TAB1: variants seen among roughly 807,000 people sequenced by gnomAD.
TAB1 encodes TGF-beta-activated kinase 1 and MAP3K7-binding protein 1.
TAB1 carries 30 observed loss-of-function variants against 54.5 expected under a neutral mutation model. The observed-to-expected ratio is 0.55, with a 90% CI of 0.41 to 0.75. The LOEUF (loss-of-function observed/expected upper bound fraction) is 0.75. Ranked by LOEUF, TAB1 falls within the 30% of genes least tolerant of loss-of-function variation. The pLI is 0.00. For missense variants in TAB1, 609 were observed against 683.2 expected (o/e 0.89, Z 1.21); for synonymous variants, 289 against 286.9 (o/e 1.01, Z -0.07).
intron 10 of TAB1, chr22:39,429,224 C>G (rs773908551): frequency 2.0e-6 from 2 of 985,374 alleles, no homozygotes; most frequent in Non-Finnish European, 2.4e-6. Flanking sequence ...GGTGGGTGCC[C>G]GTCCCCACCC....
At chr22:39,401,450 C>T (rs1341192119) in intron 1 of TAB1, among the ~76,000 whole-genome samples, 5 of 152,228 alleles carry the variant, frequency 3.3e-5, no homozygotes. Context: ...GTATAACTGT[C>T]CCCACTCTAG....
At chr22:39,409,528 T>C (rs1926518777) in intron 1 of TAB1, among the ~76,000 whole-genome samples, 1 of 152,244 alleles carries the variant, frequency 6.6e-6, no homozygotes. Context: ...CTGTGCTCAC[T>C]AGAGAGGCCA....
intron 7 of TAB1, among the ~76,000 whole-genome samples, chr22:39,421,115 T>A (rs1379885963): frequency 6.6e-6 from 1 of 152,032 alleles, no homozygotes; most frequent in Non-Finnish European, 1.5e-5. Flanking sequence ...AATTGGCATA[T>A]GCAAAGCTGT....
chr22:39,426,903 G>T lies in TAB1; in HGVS notation c.1122G>T (p.Gln374His), dbSNP rs1226898552. The T allele has an allele frequency of 2.9e-5, 46 of 1,611,972 alleles. No homozygotes were observed. The highest frequency in any genetic ancestry group is 3.8e-5 in the Non-Finnish European group (45 of 1,179,868). The change falls in exon 9 of 11, where the codon CAG becomes CAT. Residue 374 changes from glutamine (Q) to histidine (H), a missense_variant. By Grantham distance (24) the Gln-to-His change is conservative (BLOSUM62 0). Transcript: ENST00000216160. ...NFGYPLGEMS[Q>H]PTPSPAPAAG... ...GCTACCCGCTGGGCGAAATGAGCCA[G>T]CCCACACCGAGCCCAGCCCCAGGTA...
chr22:39,418,329 T>C (rs113196829), intron 5 of TAB1, among the ~76,000 whole-genome samples: 210 of 152,248 alleles, frequency 1.4e-3, no homozygotes, highest in African/African-American at 4.8e-3. Flanking sequence ...TTCCACAATA[T>C]AGAACAATAG....
Position 39,416,791 on chromosome 22 carries a change from G to A in TAB1, c.325G>A (p.Ala109Thr). ...EADVRRVLLQ[A>T]FDVVERSFLE... ...TTTGCCCTGTCCTGTGTCCCCCTAG[G>A]CCTTCGATGTGGTGGAGAGGAGCTT... The change falls in exon 4 of 11, where the codon GCC becomes ACC. Residue 109 changes from alanine (A) to threonine (T), a missense_variant and splice_region_variant. Transcript: ENST00000216160. The A allele has an allele frequency of 1.2e-6, 2 of 1,614,222 alleles. No homozygotes were observed. The highest frequency in any genetic ancestry group is 1.7e-6 in the Non-Finnish European group (2 of 1,180,030).
Position 39,418,856 on chromosome 22 carries a change from A to C in TAB1, c.664+11A>C. The C allele has an allele frequency of 6.2e-7, 1 of 1,606,216 alleles. No homozygotes were observed. The highest frequency in any genetic ancestry group is 8.5e-7 in the Non-Finnish European group (1 of 1,173,168). ...GTCTTTCGCAGCTGGGTGAGTGGGGAGAGTGGGAGCGGAAGCTGATCCCCA... is the reference window on the plus strand; with the variant it reads ...GTCTTTCGCAGCTGGGTGAGTGGGGCGAGTGGGAGCGGAAGCTGATCCCCA... On this transcript the variant is annotated intron_variant, in intron 6 of 10. Coordinates refer to ENST00000216160, the MANE Select transcript of TAB1 (RefSeq NM_006116.3).
At chr22:39,402,151 G>A (rs570435077) in intron 1 of TAB1, among the ~76,000 whole-genome samples, 4 of 152,042 alleles carry the variant, frequency 2.6e-5, no homozygotes, top group Non-Finnish European at 5.9e-5. Context: ...AGGAGGATGT[G>A]TATGTGTGTT....
At chr22:39,420,498 G>A (rs1927021795) in intron 7 of TAB1, among the ~76,000 whole-genome samples, 1 of 152,202 alleles carries the variant, frequency 6.6e-6, no homozygotes, top group Non-Finnish European at 1.5e-5. Flanking sequence ...ATCAACAGAG[G>A]CCTCATGGCC....
rs35879601 is a variant in TAB1, at chr22:39,417,245, G to GAGCT, written c.411+369_411+372dup. On this transcript the variant is annotated intron_variant, in intron 4 of 10. Transcript: ENST00000216160. ...AGCTTTCTGGAAGAACCTTAGCCTG[G>GAGCT]AGCTGTAGCGAAGGCTTCATCTTGG... is the stretch of plus-strand genomic sequence containing the variant. 6.3e-3 allele frequency among the ~76,000 whole-genome samples: 957 copies of GAGCT among 152,350 alleles called. 13 individuals are homozygous for GAGCT. Among genetic ancestry groups the GAGCT allele is most frequent in the African/African-American group, 0.021 (873 of 41,568 alleles).
At chr22:39,413,336 C>G (rs1393036974) in intron 1 of TAB1, among the ~76,000 whole-genome samples, 1 of 152,082 alleles carries the variant, frequency 6.6e-6, no homozygotes, top group East Asian at 1.9e-4. Context: ...TCTTCCTTGC[C>G]AGTTTGGATG....
Position 39,431,383 on chromosome 22 carries a change from C to T in TAB1, c.*1161C>T, listed in dbSNP as rs958262417. ...TTGCACCTTGGCCAAGCCACACAATCAGTGGGGCAGCCAGAGCTCAGACCT... is the reference window on the plus strand; with the variant it reads ...TTGCACCTTGGCCAAGCCACACAATTAGTGGGGCAGCCAGAGCTCAGACCT... On this transcript the variant is annotated 3_prime_UTR_variant, in exon 11 of 11. Coordinates refer to ENST00000216160, the MANE Select transcript of TAB1 (RefSeq NM_006116.3). 29 of 985,386 alleles carry T rather than the reference C, an allele frequency of 2.9e-5. No individual in the cohort carries two copies. Among genetic ancestry groups the T allele is most frequent in the Non-Finnish European group, 3.4e-5 (28 of 829,990 alleles). The allele number at this position is 985,386 out of a possible 1,614,324, so 61.0% of individuals were successfully genotyped here.
intron 7 of TAB1, among the ~76,000 whole-genome samples, chr22:39,421,429 T>G (rs938384148): frequency 6.6e-6 from 1 of 152,158 alleles, no homozygotes; most frequent in Non-Finnish European, 1.5e-5. Context: ...ATGGAGAGTA[T>G]CTGGGGTCTC....
At chr22:39,434,934 C>T (rs1483701646), downstream of TAB1, among the ~76,000 whole-genome samples, 1 of 152,228 alleles carries the variant, frequency 6.6e-6, no homozygotes, top group Non-Finnish European at 1.5e-5. Flanking sequence ...AGCCTCCTAC[C>T]TCCGGGTACC....
downstream of TAB1, among the ~76,000 whole-genome samples, chr22:39,432,055 C>G (rs907759245): frequency 7.3e-5 from 11 of 150,616 alleles, 1 homozygote; most frequent in Admixed American, 7.2e-4. Flanking sequence ...CCCACAGCCC[C>G]GGGGAAACAT....
chr22:39,430,077 C>CT lies in TAB1; in HGVS notation c.1371dup (p.Asp458Ter). ...CACACGCAGAGCAGCAGCTCCAGCT[C>CT]TGACGGAGGCCTCTTCCGCTCCCGG... On this transcript the variant is annotated frameshift_variant, in exon 11 of 11. Coordinates refer to ENST00000216160, the MANE Select transcript of TAB1 (RefSeq NM_006116.3). LOFTEE classifies it high-confidence loss of function. 1 of 1,614,144 alleles carries CT rather than the reference C, an allele frequency of 6.2e-7. No individual in the cohort carries two copies. The highest frequency in any genetic ancestry group is 8.5e-7 in the Non-Finnish European group (1 of 1,180,052).
chr22:39,422,206 G>A (rs1472515809), intron 8 of TAB1, among the ~76,000 whole-genome samples: 2 of 152,124 alleles, frequency 1.3e-5, no homozygotes, highest in Non-Finnish European at 2.9e-5. Flanking sequence ...GGTCTGAAGG[G>A]AAGAGGGGGA....
chr22:39,412,221 G>T (rs967883546), intron 1 of TAB1, among the ~76,000 whole-genome samples: 1 of 152,120 alleles, frequency 6.6e-6, no homozygotes, highest in African/African-American at 2.4e-5. Context: ...TGTATTTTCA[G>T]TAGAGACAGG....
At chr22:39,424,564 C>T (rs930112668) in intron 8 of TAB1, among the ~76,000 whole-genome samples, 4 of 151,598 alleles carry the variant, frequency 2.6e-5, no homozygotes, top group African/African-American at 7.3e-5. Flanking sequence ...TCTGCCTCAG[C>T]CTCCTGAGTA....
Sources: gnomAD v4.1 joint callset for allele counts (sites outside exome capture counted in the v4.1 genomes callset) on GRCh38, gnomAD v4.1.1 for gene constraint, MANE v1.5 for transcripts, NCBI Gene and HGNC (gene_info 2026-07-23, HGNC 2026-07-21) for gene names.